Variants in IQCK observed in about 807,000 individuals in gnomAD.
IQCK encodes IQ motif containing K.
A neutral mutation model predicts 28.1 loss-of-function variants in IQCK; 29 were observed. The ratio of observed to expected loss-of-function variants is 1.03; its 90% CI spans 0.77 to 1.41. The LOEUF (loss-of-function observed/expected upper bound fraction) is 1.41, where lower values mean the gene tolerates loss of function less well. Ranked by LOEUF, IQCK falls within the 40% of genes most tolerant of loss-of-function variation. The probability of loss-of-function intolerance (pLI) is 0.00; values close to 1 mark genes in which losing one functional copy is unlikely to be tolerated. For missense variants in IQCK, 359 were observed against 314.7 expected (o/e 1.14, Z -1.07); for synonymous variants, 113 against 115.1 (o/e 0.98, Z 0.12).
At chr16:19,720,727 C>T (rs1190440650) in intron 1 of IQCK, among the ~76,000 whole-genome samples, 1 of 152,078 alleles carries the variant, frequency 6.6e-6, no homozygotes, top group Non-Finnish European at 1.5e-5. Flanking sequence ...GATAGAGTTA[C>T]AGAATGAGGT....
At chr16:19,852,476 C>T (rs1290639839) in intron 9 of IQCK, among the ~76,000 whole-genome samples, 2 of 152,064 alleles carry the variant, frequency 1.3e-5, no homozygotes, top group Non-Finnish European at 2.9e-5. Context: ...CCCATGAAGC[C>T]ACTTCTCTGA....
In IQCK at chr16:19,718,398, C is replaced by T. The variant is rs1382333493; in HGVS notation, c.92C>T (p.Thr31Ile). Residue 31 changes from threonine to isoleucine, a missense_variant, in exon 1 of 8, where the codon ACC becomes ATC. Coordinates refer to ENST00000564186, the Ensembl canonical transcript of IQCK. ...TCGTTCACCCGGACGCCGGTGCCCA[C>T]CGTGTCTCTCGCGTCCCGCGAGCTG... is the stretch of plus-strand genomic sequence containing the variant. 15 of 1,606,292 alleles carry T rather than the reference C, an allele frequency of 9.3e-6. No homozygotes were observed. Among genetic ancestry groups the T allele is most frequent in the Non-Finnish European group, 1.3e-5 (15 of 1,177,292 alleles).
At chr16:19,765,514 G>A (rs943395352) in intron 6 of IQCK, among the ~76,000 whole-genome samples, 25 of 151,908 alleles carry the variant, frequency 1.6e-4, no homozygotes, top group African/African-American at 5.3e-4. Flanking sequence ...CTCCAGCCTC[G>A]GGGACAGAGT....
At chr16:19,723,134 T>C (rs1028832210) in intron 1 of IQCK, among the ~76,000 whole-genome samples, 5 of 146,812 alleles carry the variant, frequency 3.4e-5, no homozygotes, top group African/African-American at 1.3e-4. Context: ...AGTCTTCATG[T>C]CTGCTGCCTT....
downstream of IQCK, among the ~76,000 whole-genome samples, chr16:19,830,821 G>A (rs117760203): frequency 5.0e-3 from 766 of 152,306 alleles, 4 homozygotes; most frequent in Non-Finnish European, 7.2e-3. Flanking sequence ...TCTCGTACAA[G>A]TGTTATTACA....
At chr16:19,834,020 C>T (rs2056264771) in intron 9 of IQCK, among the ~76,000 whole-genome samples, 1 of 152,104 alleles carries the variant, frequency 6.6e-6, no homozygotes, top group Non-Finnish European at 1.5e-5. Context: ...CCTAGGAACC[C>T]GAGGCTGCAC....
chr16:19,814,034 G>A (rs1449784212), intron 7 of IQCK, among the ~76,000 whole-genome samples: 4 of 151,608 alleles, frequency 2.6e-5, no homozygotes, highest in Admixed American at 6.6e-5. Context: ...CCTGGCCAAC[G>A]TGGTGAAACC....
intron 9 of IQCK, among the ~76,000 whole-genome samples, chr16:19,847,136 G>A (rs1458001977): frequency 6.6e-6 from 1 of 152,156 alleles, no homozygotes; most frequent in African/African-American, 2.4e-5. Context: ...GTGGTTGGGA[G>A]AATTGTATGA....
At chr16:19,729,300 G>T (rs953283677) in intron 1 of IQCK, among the ~76,000 whole-genome samples, 2 of 152,080 alleles carry the variant, frequency 1.3e-5, no homozygotes, top group Non-Finnish European at 2.9e-5. Context: ...TGGAGATGAG[G>T]TTTCACCATG....
intron 9 of IQCK, among the ~76,000 whole-genome samples, chr16:19,849,337 A>C (rs773546312): frequency 9.2e-5 from 14 of 151,772 alleles, no homozygotes; most frequent in Non-Finnish European, 1.5e-4. Context: ...GGACGTAATG[A>C]ATGTAATTTT....
At chr16:19,732,006 G>C (rs1977855546) in intron 2 of IQCK, among the ~76,000 whole-genome samples, 1 of 152,244 alleles carries the variant, frequency 6.6e-6, no homozygotes, top group Non-Finnish European at 1.5e-5. Flanking sequence ...CAAAGCCAGA[G>C]AACCTGGAGT....
At chr16:19,830,014 C>CGAATGAATGAATGAAT (rs36097422), downstream of IQCK, among the ~76,000 whole-genome samples, 1 of 151,370 alleles carries the variant, frequency 6.6e-6, no homozygotes, top group Non-Finnish European at 1.5e-5. Context: ...ATCAGTTGAA[C>CGAATGAATGAATGAAT]GAATGAATGA....
intron 6 of IQCK, among the ~76,000 whole-genome samples, chr16:19,771,615 T>G (rs980649188): frequency 1.3e-4 from 19 of 152,000 alleles, no homozygotes; most frequent in African/African-American, 4.4e-4. Flanking sequence ...AAAAGAAAAA[T>G]GCACAGATCA....
chr16:19,809,478 CT>C lies in IQCK; in HGVS notation c.691-17547del, dbSNP rs1021008372. On this transcript the variant is annotated intron_variant, in intron 7 of 7. Coordinates refer to ENST00000564186, the Ensembl canonical transcript of IQCK. ...GTTCTCCTCCATGTGGCTTCTCATCCTCCAGTAAACCACATCAGCTTCCTTA... is the reference window on the plus strand; with the variant it reads ...GTTCTCCTCCATGTGGCTTCTCATCCCCAGTAAACCACATCAGCTTCCTTA... Among the ~76,000 whole-genome samples, 38 of 152,186 alleles carry C rather than the reference CT, an allele frequency of 2.5e-4. 1 individual carries two copies. Among genetic ancestry groups the C allele is most frequent in the African/African-American group, 6.8e-4 (28 of 41,444 alleles).
intron 6 of IQCK, among the ~76,000 whole-genome samples, chr16:19,783,491 T>C (rs1416551733): frequency 6.6e-6 from 1 of 152,174 alleles, no homozygotes; most frequent in African/African-American, 2.4e-5. Context: ...AGCTGTCTCC[T>C]TCTGTGATTG....
chr16:19,845,499 C>T (rs922338825), intron 9 of IQCK, among the ~76,000 whole-genome samples: 1 of 152,226 alleles, frequency 6.6e-6, no homozygotes, highest in African/African-American at 2.4e-5. Flanking sequence ...CCATGACTCA[C>T]TCGGCTTTTG....
At chr16:19,824,729 T>C (rs1009202788) in intron 7 of IQCK, among the ~76,000 whole-genome samples, 1 of 152,222 alleles carries the variant, frequency 6.6e-6, no homozygotes, top group Non-Finnish European at 1.5e-5. Flanking sequence ...GCAGCTCCTC[T>C]GGCAAGTGAA....
chr16:19,807,893 T>A (rs1400605717), intron 7 of IQCK, among the ~76,000 whole-genome samples: 1 of 152,230 alleles, frequency 6.6e-6, no homozygotes, highest in African/African-American at 2.4e-5. Context: ...GTCTGATCCA[T>A]GCATTTTCTC....
chr16:19,740,978 A>AAAT lies in IQCK; in HGVS notation c.474+5530_474+5531insTAA, dbSNP rs1327112612. 9.6e-4 allele frequency among the ~76,000 whole-genome samples: 146 copies of AAAT among 151,720 alleles called. 1 individual carries two copies. Among genetic ancestry groups the AAAT allele is most frequent in the African/African-American group, 3.5e-3 (143 of 41,328 alleles). ...GCGAGACTCCATCTAAAAAAAAAAA[A>AAAT]AAAAAGAATATCTACAAGCAGGATG... On this transcript the variant is annotated intron_variant, in intron 4 of 7. Transcript: ENST00000564186.
Sources: allele counts gnomAD v4.1 joint callset (sites outside exome capture counted in the v4.1 genomes callset), GRCh38; gene constraint gnomAD v4.1.1; transcripts MANE v1.5; gene names NCBI Gene and HGNC (gene_info 2026-07-23, HGNC 2026-07-21).